Variants in EFNA5 observed in about 807,000 individuals in gnomAD.
The protein encoded by EFNA5 is ephrin-A5.
In EFNA5, 5 loss-of-function variants were observed where a neutral mutation model predicts 22.9. That is an observed-to-expected ratio of 0.22 (90% CI 0.11 to 0.46). The LOEUF (loss-of-function observed/expected upper bound fraction) is 0.46. EFNA5 is among the 20% of genes least tolerant of loss of function. EFNA5 has a pLI of 0.99. For synonymous variants in EFNA5, 113 were observed against 112.2 expected (o/e 1.01, Z -0.04); for missense variants, 237 against 293.3 (o/e 0.81, Z 1.40).
intron 1 of EFNA5, among the ~76,000 whole-genome samples, chr5:107,592,408 C>T (rs1749392726): frequency 6.6e-6 from 1 of 151,924 alleles, no homozygotes; most frequent in East Asian, 1.9e-4. Context: ...CCTCATTCTT[C>T]AGTAAAGTGA....
At chr5:107,475,025 A>C (rs778693070) in intron 1 of EFNA5, among the ~76,000 whole-genome samples, 13 of 152,208 alleles carry the variant, frequency 8.5e-5, no homozygotes, top group Non-Finnish European at 1.9e-4. Context: ...ACTGTGCTTT[A>C]CTAAACAAAC....
chr5:107,650,538 T>C (rs1561460270), intron 1 of EFNA5, among the ~76,000 whole-genome samples: 1 of 152,160 alleles, frequency 6.6e-6, no homozygotes, highest in Non-Finnish European at 1.5e-5. Context: ...TCCCTATAGC[T>C]TAAAAATGAT....
chr5:107,457,229 C>T (rs1164928188), intron 1 of EFNA5, among the ~76,000 whole-genome samples: 1 of 152,086 alleles, frequency 6.6e-6, no homozygotes, highest in Non-Finnish European at 1.5e-5. Flanking sequence ...ACATTCATTG[C>T]TGACCTGTTA....
intron 1 of EFNA5, among the ~76,000 whole-genome samples, chr5:107,577,647 T>C (rs184220654): frequency 1.8e-3 from 280 of 152,250 alleles, no homozygotes; most frequent in Middle Eastern, 6.8e-3. Context: ...ATTTGAAGTA[T>C]AAAAGGGTCT....
intron 1 of EFNA5, among the ~76,000 whole-genome samples, chr5:107,435,752 G>A (rs1358053460): frequency 6.6e-6 from 1 of 152,216 alleles, no homozygotes; most frequent in African/African-American, 2.4e-5. Context: ...CAGCAGAAAT[G>A]CAGTATGCTA....
In EFNA5 at chr5:107,506,394, TGTAA is replaced by T. The variant is rs1277397121; in HGVS notation, c.126-78889_126-78886del. Among the ~76,000 whole-genome samples the T allele has an allele frequency of 3.3e-5, 5 of 152,188 alleles. No homozygotes were observed. In the East Asian group the frequency reaches 7.7e-4, roughly 23 times the overall value. On this transcript the variant is annotated intron_variant, in intron 1 of 4. Coordinates refer to ENST00000333274, the MANE Select transcript of EFNA5 (RefSeq NM_001962.3). ...GAAGAAGTAGTCTGAACTCTATTGGTGTAAGTATTTGTGTTTGATAATGGCAAAT... is the reference window on the plus strand; with the variant it reads ...GAAGAAGTAGTCTGAACTCTATTGGTGTATTTGTGTTTGATAATGGCAAAT...
chr5:107,522,193 C>T (rs1343879444), intron 1 of EFNA5, among the ~76,000 whole-genome samples: 1 of 152,178 alleles, frequency 6.6e-6, no homozygotes, highest in African/African-American at 2.4e-5. Flanking sequence ...TTTGTACTCA[C>T]TAGCATGCAT....
intron 1 of EFNA5, among the ~76,000 whole-genome samples, chr5:107,532,690 C>T (rs1747839095): frequency 6.6e-6 from 1 of 152,202 alleles, no homozygotes; most frequent in Non-Finnish European, 1.5e-5. Context: ...AGGCTGGGCA[C>T]CAGAGTGACC....
chr5:107,596,698 GTC>G (rs1275716751), intron 1 of EFNA5, among the ~76,000 whole-genome samples: 1 of 151,938 alleles, frequency 6.6e-6, no homozygotes, highest in Non-Finnish European at 1.5e-5. Flanking sequence ...AAATTGAAAT[GTC>G]TCTCTCTCCC....
At chr5:107,430,337 C>A (rs1234048607) in intron 1 of EFNA5, among the ~76,000 whole-genome samples, 1 of 152,102 alleles carries the variant, frequency 6.6e-6, no homozygotes, top group Non-Finnish European at 1.5e-5. Context: ...AGGCAATGCC[C>A]AGATGCACTT....
chr5:107,432,238 C>T lies in EFNA5; in HGVS notation c.126-4729G>A, dbSNP rs181153684. On this transcript the variant is annotated intron_variant, in intron 1 of 4. Coordinates refer to ENST00000333274, the MANE Select transcript of EFNA5 (RefSeq NM_001962.3). Reference sequence around the variant, plus strand: ...TTTCACAGAATAACATGTTGTTAGGCTCAGCAGCCATTCACATAAAGGAAT... The same window carrying T: ...TTTCACAGAATAACATGTTGTTAGGTTCAGCAGCCATTCACATAAAGGAAT... Among the ~76,000 whole-genome samples, 973 of 152,280 alleles carry T rather than the reference C, an allele frequency of 6.4e-3. 6 individuals are homozygous for T. The highest frequency in any genetic ancestry group is 9.3e-3 in the Non-Finnish European group (634 of 68,022).
At chr5:107,509,900 C>T (rs572110889) in intron 1 of EFNA5, among the ~76,000 whole-genome samples, 17 of 152,244 alleles carry the variant, frequency 1.1e-4, no homozygotes, top group Admixed American at 4.6e-4. Flanking sequence ...GAAATGATTA[C>T]GCCATTAGTT....
At chr5:107,544,033 G>C (rs984366130) in intron 1 of EFNA5, among the ~76,000 whole-genome samples, 1 of 152,200 alleles carries the variant, frequency 6.6e-6, no homozygotes, top group African/African-American at 2.4e-5. Flanking sequence ...AGCTTGTCAG[G>C]TGGGCCCTGG....
intron 1 of EFNA5, among the ~76,000 whole-genome samples, chr5:107,609,086 T>C (rs967762947): frequency 2.6e-5 from 4 of 152,154 alleles, no homozygotes; most frequent in Non-Finnish European, 5.9e-5. Flanking sequence ...GCTACAATAA[T>C]TTATAAAAGA....
intron 1 of EFNA5, among the ~76,000 whole-genome samples, chr5:107,478,780 A>T (rs73197028): frequency 3.9e-3 from 592 of 152,260 alleles, no homozygotes; most frequent in African/African-American, 0.014. Context: ...TTGTAAAATG[A>T]TTATTTTCAT....
intron 1 of EFNA5, among the ~76,000 whole-genome samples, chr5:107,542,563 T>A (rs1302768115): frequency 8.7e-6 from 1 of 114,746 alleles, no homozygotes; most frequent in African/African-American, 3.2e-5. Flanking sequence ...AAGGGGGGGG[T>A]GCGGGGAGGG....
chr5:107,380,903 C>G lies in EFNA5; in HGVS notation c.*352G>C, dbSNP rs1376652394. 5 of 421,240 alleles carry G rather than the reference C, an allele frequency of 1.2e-5. No individual in the cohort carries two copies. Among genetic ancestry groups the G allele is most frequent in the African/African-American group, 2.0e-5 (1 of 50,330 alleles). The allele number at this position is 421,240 out of a possible 1,614,324, so 26.1% of individuals were successfully genotyped here. ...CTTCCTTGTCCATAGCCCGCTGACA[C>G]AGTGCGCTAACGGAGGTGAGTTCTT... On this transcript the variant is annotated 3_prime_UTR_variant, in exon 5 of 5. Transcript: ENST00000333274.
At chr5:107,465,875 G>T (rs149690850) in intron 1 of EFNA5, among the ~76,000 whole-genome samples, 5 of 152,128 alleles carry the variant, frequency 3.3e-5, no homozygotes, top group African/African-American at 9.6e-5. Context: ...AAAAGGGAAT[G>T]AACTCAGGTT....
intron 1 of EFNA5, among the ~76,000 whole-genome samples, chr5:107,543,197 G>A (rs1406564033): frequency 6.6e-6 from 1 of 152,164 alleles, no homozygotes; most frequent in East Asian, 1.9e-4. Context: ...CACTCCCGGA[G>A]CCTCCACTCC....
Sources: gnomAD v4.1 joint callset for allele counts (sites outside exome capture counted in the v4.1 genomes callset) on GRCh38, gnomAD v4.1.1 for gene constraint, MANE v1.5 for transcripts, NCBI Gene and HGNC (gene_info 2026-07-23, HGNC 2026-07-21) for gene names.